Variants in CHL1 observed in about 807,000 individuals in gnomAD.
CHL1 encodes the protein cell adhesion molecule L1 like, also known as neural cell adhesion molecule L1-like protein.
In CHL1, 96 loss-of-function variants were observed where a neutral mutation model predicts 141.9. The observed-to-expected ratio is 0.68, with a 90% CI of 0.57 to 0.80. CHL1 has a LOEUF of 0.80. Among genes scored for constraint, CHL1 ranks in the 30% least tolerant of loss-of-function variants. CHL1 has a pLI of 0.00. For missense variants in CHL1, 1,820 were observed against 1,457.2 expected, an observed-to-expected ratio of 1.25 and a Z score of -4.05; for synonymous variants, 613 against 502.2, an observed-to-expected ratio of 1.22 and a Z score of -2.95.
intron 11 of CHL1, among the ~76,000 whole-genome samples, chr3:359,148 T>A (rs1703981807): frequency 6.6e-6 from 1 of 151,776 alleles, no homozygotes; most frequent in Admixed American, 6.6e-5. Flanking sequence ...ATCCAACTTC[T>A]CTGTAATCCA....
chr3:373,215 C>A (rs1329868167), intron 15 of CHL1, among the ~76,000 whole-genome samples: 1 of 152,236 alleles, frequency 6.6e-6, no homozygotes, highest in Non-Finnish European at 1.5e-5. Flanking sequence ...GACGCTAAGT[C>A]TGCTGGTCTG....
intron 15 of CHL1, chr3:374,190 T>C (rs114649802): frequency 0.015 from 2,307 of 152,262 alleles, 35 homozygotes; most frequent in Non-Finnish European, 0.022. Context: ...GTCTCAGCCT[T>C]GGTTCTTGAT....
At chr3:343,542 C>A (rs563235658) in intron 8 of CHL1, among the ~76,000 whole-genome samples, 1 of 152,146 alleles carries the variant, frequency 6.6e-6, no homozygotes, top group Non-Finnish European at 1.5e-5. Flanking sequence ...TTATTTAATT[C>A]TTTCCCCCAT....
At chr3:337,474 A>G (rs535806030) in intron 5 of CHL1, among the ~76,000 whole-genome samples, 31 of 151,952 alleles carry the variant, frequency 2.0e-4, no homozygotes, top group Non-Finnish European at 2.8e-4. Flanking sequence ...CCATTAACTC[A>G]TCATTTACAT....
intron 3 of CHL1, among the ~76,000 whole-genome samples, chr3:322,899 A>C (rs1700711697): frequency 6.6e-6 from 1 of 151,540 alleles, no homozygotes; most frequent in Non-Finnish European, 1.5e-5. Flanking sequence ...AAAACAAAGC[A>C]AAACAAAAAC....
intron 2 of CHL1, among the ~76,000 whole-genome samples, chr3:313,615 G>A (rs1699923773): frequency 6.6e-6 from 1 of 152,120 alleles, no homozygotes; most frequent in East Asian, 1.9e-4. Context: ...ATTAACAATA[G>A]CCTTGGGTCT....
chr3:405,663 T>A lies in CHL1; in HGVS notation c.3627T>A (p.Ser1209=), dbSNP rs151184276. 5 of 1,613,430 alleles carry A rather than the reference T, an allele frequency of 3.1e-6. No individual in the cohort carries two copies. In the African/African-American group the frequency reaches 6.7e-5, roughly 22 times the overall value. ...ACGCTGGATCTAAGGAGAAGGGATC[T>A]GTTGAAAGCAATGGAAGTTCTACAG... ...GAYAGSKEKG[S]VESNGSSTAT... is the part of the protein sequence containing the mutation. The change falls in exon 28 of 28, where the codon TCT becomes TCA. Residue 1209 remains serine, a synonymous_variant. Coordinates refer to ENST00000256509, the MANE Select transcript of CHL1 (RefSeq NM_006614.4).
intron 3 of CHL1, among the ~76,000 whole-genome samples, chr3:324,066 G>A (rs1262657337): frequency 6.6e-6 from 1 of 152,040 alleles, no homozygotes; most frequent in Non-Finnish European, 1.5e-5. Context: ...AATATTGTTA[G>A]CTATACCCCA....
chr3:234,806 A>G (rs1691789197), intron 1 of CHL1, among the ~76,000 whole-genome samples: 1 of 152,150 alleles, frequency 6.6e-6, no homozygotes, highest in Non-Finnish European at 1.5e-5. Context: ...AGTGCCAGAC[A>G]CAGAATAGTC....
chr3:387,857 C>T (rs775884434), intron 19 of CHL1, among the ~76,000 whole-genome samples: 1 of 151,900 alleles, frequency 6.6e-6, no homozygotes, highest in Non-Finnish European at 1.5e-5. Context: ...TTTTTTCCCT[C>T]AGTTAGTTTA....
At chr3:278,038 G>C (rs1398475734) in intron 2 of CHL1, among the ~76,000 whole-genome samples, 1 of 152,206 alleles carries the variant, frequency 6.6e-6, no homozygotes, top group African/African-American at 2.4e-5. Context: ...TGAGCTGGAA[G>C]GAAGTGTGGT....
At chr3:245,827 A>G (rs926122511) in intron 2 of CHL1, among the ~76,000 whole-genome samples, 1 of 152,084 alleles carries the variant, frequency 6.6e-6, no homozygotes, top group South Asian at 2.1e-4. Context: ...AAGTCTATGA[A>G]GAAACTCTCT....
chr3:269,073 A>G (rs1342660780), intron 2 of CHL1, among the ~76,000 whole-genome samples: 1 of 152,204 alleles, frequency 6.6e-6, no homozygotes, highest in Non-Finnish European at 1.5e-5. Context: ...GCAAAAAATT[A>G]TGGTCAGAAT....
At chr3:302,280 C>A (rs1390751299) in intron 2 of CHL1, among the ~76,000 whole-genome samples, 1 of 152,196 alleles carries the variant, frequency 6.6e-6, no homozygotes, top group African/African-American at 2.4e-5. Flanking sequence ...ATTGCTGGGT[C>A]AAATGGTATT....
At chr3:404,849 A>G (rs1709408911) in intron 27 of CHL1, among the ~76,000 whole-genome samples, 1 of 152,152 alleles carries the variant, frequency 6.6e-6, no homozygotes, top group Non-Finnish European at 1.5e-5. Flanking sequence ...AAAATACCAT[A>G]AGCTGGGTGG....
At chr3:226,354 A>G (rs1053410032) in intron 1 of CHL1, among the ~76,000 whole-genome samples, 1 of 120,056 alleles carries the variant, frequency 8.3e-6, no homozygotes, top group South Asian at 2.5e-4. Context: ...ATTCTATTAT[A>G]TATTATATAA....
At chr3:299,709 A>G (rs1042414596) in intron 2 of CHL1, among the ~76,000 whole-genome samples, 3 of 152,150 alleles carry the variant, frequency 2.0e-5, no homozygotes, top group Non-Finnish European at 4.4e-5. Flanking sequence ...ACCCTGTGTG[A>G]GCTCCCCTAG....
chr3:398,479 A>G, intron 25 of CHL1, 94 bp downstream of exon 25: 2 of 640,248 alleles, frequency 3.1e-6, no homozygotes, highest in Non-Finnish European at 5.1e-6. Context: ...ACATAAAAAC[A>G]CTGAGTGTAT....
At chr3:313,546 C>G (rs1437050564) in intron 2 of CHL1, among the ~76,000 whole-genome samples, 1 of 152,028 alleles carries the variant, frequency 6.6e-6, no homozygotes, top group African/African-American at 2.4e-5. Flanking sequence ...AACATGACAT[C>G]ATGACTGTTA....
Sources: gnomAD v4.1 joint callset for allele counts (sites outside exome capture counted in the v4.1 genomes callset) on GRCh38, gnomAD v4.1.1 for gene constraint, MANE v1.5 for transcripts, NCBI Gene and HGNC (gene_info 2026-07-23, HGNC 2026-07-21) for gene names.